The following MECOM variants were observed in gnomAD, a reference collection of about 807,000 sequenced individuals.
MECOM encodes the protein histone-lysine N-methyltransferase MECOM.
Under a neutral mutation model 116.3 loss-of-function variants are expected in MECOM, and 13 were observed. The observed-to-expected ratio is 0.11, with a 90% CI of 0.07 to 0.18. The LOEUF (loss-of-function observed/expected upper bound fraction) is 0.18, where lower values mean the gene tolerates loss of function less well. Among genes scored for constraint, MECOM ranks in the 10% least tolerant of loss-of-function variants. The probability of loss-of-function intolerance (pLI) is 1.00; values close to 1 mark genes in which losing one functional copy is unlikely to be tolerated. For missense variants in MECOM, 1,299 were observed against 1,509.0 expected (o/e 0.86, Z 2.31); for synonymous variants, 528 against 535.2 (o/e 0.99, Z 0.19).
At chr3:169,365,849 T>C (rs1261730374) in intron 2 of MECOM, among the ~76,000 whole-genome samples, 1 of 151,712 alleles carries the variant, frequency 6.6e-6, no homozygotes, top group Non-Finnish European at 1.5e-5. Flanking sequence ...AAGAGAAAAA[T>C]TGGGAAAGGG....
At chr3:169,556,128 G>A (rs527519930) in intron 1 of MECOM, among the ~76,000 whole-genome samples, 1 of 152,270 alleles carries the variant, frequency 6.6e-6, no homozygotes, top group East Asian at 1.9e-4. Context: ...CTCAGATTGA[G>A]GATGTCATGT....
chr3:169,285,176 C>T (rs1713016316), intron 2 of MECOM, among the ~76,000 whole-genome samples: 1 of 152,154 alleles, frequency 6.6e-6, no homozygotes. Context: ...GCTTCTGGGC[C>T]ATTATGAAAA....
intron 2 of MECOM, among the ~76,000 whole-genome samples, chr3:169,326,132 C>T (rs566750597): frequency 4.8e-4 from 73 of 152,094 alleles, no homozygotes; most frequent in African/African-American, 1.7e-3. Flanking sequence ...GGAAGCCTCT[C>T]GGTGGAGGCA....
intron 1 of MECOM, among the ~76,000 whole-genome samples, chr3:169,473,193 TG>T (rs905397003): frequency 1.3e-5 from 2 of 152,220 alleles, no homozygotes; most frequent in Non-Finnish European, 2.9e-5. Context: ...TAAGGCTGTC[TG>T]GAAGTAGATT....
At chr3:169,264,192 G>T (rs1293238784) in intron 2 of MECOM, among the ~76,000 whole-genome samples, 1 of 152,106 alleles carries the variant, frequency 6.6e-6, no homozygotes, top group Non-Finnish European at 1.5e-5. Context: ...ACCAAAATGG[G>T]AAAATAAACA....
intron 2 of MECOM, among the ~76,000 whole-genome samples, chr3:169,377,309 A>C (rs1367835959): frequency 6.6e-6 from 1 of 151,832 alleles, no homozygotes; most frequent in Non-Finnish European, 1.5e-5. Context: ...ATGGCAACAA[A>C]AGCCAAAATT....
At chr3:169,216,958 T>G (rs1751497689) in intron 2 of MECOM, among the ~76,000 whole-genome samples, 1 of 151,276 alleles carries the variant, frequency 6.6e-6, no homozygotes, top group South Asian at 2.1e-4. Flanking sequence ...GTCATAAAAA[T>G]CTACTGAGGA....
intron 2 of MECOM, among the ~76,000 whole-genome samples, chr3:169,312,408 G>C (rs1013389598): frequency 7.7e-6 from 1 of 129,234 alleles, no homozygotes; most frequent in Non-Finnish European, 1.5e-5. Flanking sequence ...TCACTCTGTC[G>C]CCCAGGCTGG....
chr3:169,092,191 T>C (rs55783610), intron 14 of MECOM, among the ~76,000 whole-genome samples: 10,959 of 152,056 alleles, frequency 0.072, 518 homozygotes, highest in South Asian at 0.22. Context: ...TCATGCTTAA[T>C]GTTGGTGATG....
At chr3:169,253,926 A>G (rs1189533645) in intron 2 of MECOM, among the ~76,000 whole-genome samples, 1 of 152,168 alleles carries the variant, frequency 6.6e-6, no homozygotes, top group Non-Finnish European at 1.5e-5. Context: ...ATCCAATAGC[A>G]TAATTGATGA....
rs1255480839 is a variant in MECOM, at chr3:169,276,644, T to G, written c.375+104543A>C. Among the ~76,000 whole-genome samples, 3 of 150,992 alleles carry G rather than the reference T, an allele frequency of 2.0e-5. No homozygotes were observed. The East Asian group carries it at 5.9e-4, about 30-fold the overall frequency. On this transcript the variant is annotated intron_variant, in intron 2 of 16. Transcript: ENST00000651503. ...CTCAATCTATGTCTGCTCCCTCTCC[T>G]CAAAGGCAACCACTGTTATCAGGTG...
chr3:169,212,082 C>T (rs969861820), intron 2 of MECOM, among the ~76,000 whole-genome samples: 1 of 152,098 alleles, frequency 6.6e-6, no homozygotes, highest in African/African-American at 2.4e-5. Flanking sequence ...TTTCTACTCT[C>T]ATGGGGCTTG....
chr3:169,313,244 A>G (rs1247185087), intron 2 of MECOM, among the ~76,000 whole-genome samples: 2 of 152,260 alleles, frequency 1.3e-5, no homozygotes, highest in African/African-American at 4.8e-5. Flanking sequence ...GGCCCTAAAA[A>G]GAGAATCTCT....
intron 12 of MECOM, 146 bp downstream of exon 12, chr3:169,100,739 T>C: frequency 3.2e-6 from 1 of 316,590 alleles, no homozygotes. Flanking sequence ...AATTCTTTCT[T>C]GACTCAAAAT....
At position 169,553,784 on chromosome 3, in the gene MECOM, G is replaced by A. The variant is rs144971457; in HGVS notation, c.37+109552C>T. Among the ~76,000 whole-genome samples the A allele has an allele frequency of 7.8e-3, 1,182 of 152,272 alleles. 21 individuals carry two copies. The highest frequency in any genetic ancestry group is 0.027 in the African/African-American group (1,127 of 41,548). On this transcript the variant is annotated intron_variant, in intron 1 of 16. Coordinates refer to ENST00000651503, the MANE Select transcript of MECOM (RefSeq NM_004991.4). ...TCCTCATGTGGTCTATTCTCTGTGT[G>A]TACACACATCTCTGGTGTCTCTCTC...
intron 2 of MECOM, among the ~76,000 whole-genome samples, chr3:169,292,018 G>C (rs145279826): frequency 1.6e-3 from 243 of 152,244 alleles, no homozygotes; most frequent in Middle Eastern, 3.4e-3. Context: ...CCTTATACTG[G>C]ACCACAAATG....
At chr3:169,470,075 A>T (rs974143201) in intron 1 of MECOM, 4 of 152,232 alleles carry the variant, frequency 2.6e-5, no homozygotes, top group Non-Finnish European at 5.9e-5. Context: ...ATTTTATATT[A>T]AAAAAGTAGC....
chr3:169,384,570 C>T (rs1161554211), intron 1 of MECOM, among the ~76,000 whole-genome samples: 5 of 152,158 alleles, frequency 3.3e-5, no homozygotes, highest in Non-Finnish European at 5.9e-5. Context: ...AGTTATTTTA[C>T]ACATTCTTAA....
At chr3:169,334,940 C>T (rs1723350963) in intron 2 of MECOM, among the ~76,000 whole-genome samples, 1 of 152,100 alleles carries the variant, frequency 6.6e-6, no homozygotes, top group African/African-American at 2.4e-5. Flanking sequence ...TATCTGCACT[C>T]CCTCAATAGA....
Sources: allele counts gnomAD v4.1 joint callset (sites outside exome capture counted in the v4.1 genomes callset), GRCh38; gene constraint gnomAD v4.1.1; transcripts MANE v1.5; gene names NCBI Gene and HGNC (gene_info 2026-07-23, HGNC 2026-07-21).